GTPBP1: variants seen among roughly 807,000 people sequenced by gnomAD.
GTPBP1 encodes GTP binding protein 1, also known as GTP-binding protein 1.
GTPBP1 carries 23 observed loss-of-function variants against 62.0 expected under a neutral mutation model. The observed-to-expected ratio is 0.37, with a 90% CI of 0.27 to 0.53. The LOEUF (loss-of-function observed/expected upper bound fraction) is 0.53, where lower values mean the gene tolerates loss of function less well. Among genes scored for constraint, GTPBP1 ranks in the 20% least tolerant of loss-of-function variants. The pLI, the probability that GTPBP1 is intolerant of heterozygous loss-of-function variation, is 0.89. For missense variants in GTPBP1, 640 were observed against 917.3 expected (o/e 0.70, Z 3.90); for synonymous variants, 344 against 364.4 (o/e 0.94, Z 0.64).
intron 2 of GTPBP1, 101 bp from the exon 3 acceptor site, chr22:38,715,806 G>A (rs117305559): frequency 3.4e-6 from 3 of 892,392 alleles, no homozygotes; most frequent in Admixed American, 2.3e-5. Flanking sequence ...GCTGGGGTCG[G>A]GGGGTGGTGG....
Position 38,716,241 on chromosome 22 carries a change from C to A in GTPBP1, c.485+154C>A. The A allele has an allele frequency of 1.5e-6, 1 of 649,616 alleles. No individual in the cohort carries two copies. The highest frequency in any genetic ancestry group is 2.7e-6 in the Non-Finnish European group (1 of 371,238). The allele number at this position is 649,616 out of a possible 1,614,324, so 40.2% of individuals were successfully genotyped here. ...GAGACGTGGGCTCCTTGCTCTAATT[C>A]TGCACTTCCCTGTCACTTTGGGAAG... is the stretch of plus-strand genomic sequence containing the variant. On this transcript the variant is annotated intron_variant, in intron 3 of 11. Transcript: ENST00000216044. This position sits in a 1 kb window ranked among gnomAD's most constrained non-coding sequence, Gnocchi z 5.2.
At chr22:38,723,665 G>A (rs1419666085) in intron 5 of GTPBP1, among the ~76,000 whole-genome samples, 1 of 152,202 alleles carries the variant, frequency 6.6e-6, no homozygotes, top group African/African-American at 2.4e-5. Flanking sequence ...TCCAAATGCA[G>A]AAATCTTGAG....
At position 38,727,279 on chromosome 22, in the gene GTPBP1, TG is replaced by T; in HGVS notation, c.1471del (p.Glu491SerfsTer35). 1 of 1,603,128 alleles carries T rather than the reference TG, an allele frequency of 6.2e-7. No homozygotes were observed. Among genetic ancestry groups the T allele is most frequent in the Non-Finnish European group, 8.5e-7 (1 of 1,174,650 alleles). ...CCCACGTTTGAATCCCCAAGCCTCCTGGGAGTTTGAGGCCGAGATTCTCGTC... is the reference window on the plus strand; with the variant it reads ...CCCACGTTTGAATCCCCAAGCCTCCTGGAGTTTGAGGCCGAGATTCTCGTC... ...VSPRLNPQASWEFEAEILVLH... is the reference protein window; with the variant it reads ...VSPRLNPQASXEFEAEILVLH... On this transcript the variant is annotated frameshift_variant, in exon 9 of 12. Transcript: ENST00000216044. LOFTEE classifies it high-confidence loss of function. The surrounding 1 kb of genome is among the most constrained non-coding windows in gnomAD (Gnocchi z 6.5).
chr22:38,719,929 C>CT (rs374928496), intron 4 of GTPBP1, among the ~76,000 whole-genome samples: 12,557 of 135,746 alleles, frequency 0.093, 931 homozygotes, highest in African/African-American at 0.18. Flanking sequence ...TTCTTTCTTT[C>CT]TTTTTTTTTT....
At chr22:38,729,078 C>G (rs1469775943) in intron 10 of GTPBP1, 2 of 164,696 alleles carry the variant, frequency 1.2e-5, no homozygotes, top group African/African-American at 4.8e-5. Context: ...TCAGGAGATC[C>G]CGGAGCTCCA....
intron 1 of GTPBP1, 92 bp downstream of exon 1, chr22:38,706,239 C>A: frequency 1.2e-6 from 1 of 824,440 alleles, no homozygotes; most frequent in South Asian, 6.0e-5. Context: ...GCCGCCCTGT[C>A]CGCGGGGAGC....
Position 38,730,536 on chromosome 22 carries a change from C to A in GTPBP1, c.1918-76C>A, listed in dbSNP as rs550862561. ...CACGCATCTTCCGTCCCTGTCTCCC[C>A]GCTGCTCAGCACCTCTGCTCTCTGG... On this transcript the variant is annotated intron_variant, in intron 11 of 11. Coordinates refer to ENST00000216044, the MANE Select transcript of GTPBP1 (RefSeq NM_004286.5). This position sits in a 1 kb window ranked among gnomAD's most constrained non-coding sequence, Gnocchi z 5.6. 3 of 1,007,076 alleles carry A rather than the reference C, an allele frequency of 3.0e-6. No homozygotes were observed. Among genetic ancestry groups the A allele is most frequent in the Non-Finnish European group, 1.6e-6 (1 of 644,454 alleles). The allele number at this position is 1,007,076 out of a possible 1,614,324, so 62.4% of individuals were successfully genotyped here. A position where few individuals can be genotyped will look rare whatever the true frequency, so the allele number is the denominator to read the frequency against.
rs1569287377 is a variant in GTPBP1, at chr22:38,731,015, TGTGTG to T, written c.*312_*316del. ...TATGTCTCTGTCTCTCTCTATTGTG[TGTGTG>T]TGTGTGTGTGTGTGTGTGTGTGTGT... On this transcript the variant is annotated 3_prime_UTR_variant, in exon 12 of 12. Coordinates refer to ENST00000216044, the MANE Select transcript of GTPBP1 (RefSeq NM_004286.5). The T allele has an allele frequency of 1.3e-3, 247 of 197,598 alleles. No individual in the cohort carries two copies. The highest frequency in any genetic ancestry group is 8.8e-3 in the African/African-American group (237 of 26,960). The allele number at this position is 197,598 out of a possible 1,614,324, so 12.2% of individuals were successfully genotyped here.
At chr22:38,737,314 G>A (rs73157182), downstream of GTPBP1, among the ~76,000 whole-genome samples, 2,373 of 151,666 alleles carry the variant, frequency 0.016, 29 homozygotes, top group Non-Finnish European at 0.027. The surrounding 1 kb of genome is among the most constrained non-coding windows in gnomAD (Gnocchi z 4.1). Context: ...AGCCCCCATC[G>A]CAGTGGCTTC....
Position 38,728,001 on chromosome 22 carries a change from G to C in GTPBP1, c.1556G>C (p.Arg519Thr). The change falls in exon 10 of 12, where the codon AGG becomes ACG. Residue 519 changes from arginine to threonine, a missense_variant. Physicochemically the swap from Arg to Thr is moderately conservative, Grantham distance 71 (BLOSUM62 -1). Transcript: ENST00000216044. ...YQAMVHCGSIRQTATILSMDK... is the reference protein window; with the variant it reads ...YQAMVHCGSITQTATILSMDK... ...TTGACAGTGCACTGTGGGAGCATCA[G>C]GCAGACAGCCACCATTCTGAGCATG... is the stretch of plus-strand genomic sequence containing the variant. 6.2e-7 allele frequency: 1 copy of C among 1,613,964 alleles called. No individual in the cohort carries two copies. Among genetic ancestry groups the C allele is most frequent in the South Asian group, 1.1e-5 (1 of 91,064 alleles).
Position 38,727,368 on chromosome 22 carries a change from C to T in GTPBP1, c.1537+20C>T. The T allele has an allele frequency of 6.5e-7, 1 of 1,527,668 alleles. No individual in the cohort carries two copies. Among genetic ancestry groups the T allele is most frequent in the South Asian group, 1.2e-5 (1 of 80,784 alleles). The allele number at this position is 1,527,668 out of a possible 1,614,324, so 94.6% of individuals were successfully genotyped here. ...CCATGGGTAGGTGTCTAAGGCCCTGCCAGCCCAGGAGGCCGTCGTGTTAGC... is the reference window on the plus strand; with the variant it reads ...CCATGGGTAGGTGTCTAAGGCCCTGTCAGCCCAGGAGGCCGTCGTGTTAGC... On this transcript the variant is annotated intron_variant, in intron 9 of 11. Coordinates refer to ENST00000216044, the MANE Select transcript of GTPBP1 (RefSeq NM_004286.5). This position sits in a 1 kb window ranked among gnomAD's most constrained non-coding sequence, Gnocchi z 6.5.
At chr22:38,729,390 G>A in intron 10 of GTPBP1, 72 bp from the exon 11 acceptor site, 1 of 1,139,790 alleles carries the variant, frequency 8.8e-7, no homozygotes, top group East Asian at 2.7e-5. Flanking sequence ...AGGGGGCTGA[G>A]GGTGGGGGGT....
intron 5 of GTPBP1, chr22:38,722,638 T>C (rs1320226063): frequency 7.0e-7 from 1 of 1,422,142 alleles, no homozygotes; most frequent in East Asian, 2.4e-5. Flanking sequence ...ACAAGCATAA[T>C]TGGTTCCTTG....
At chr22:38,739,081 G>A, downstream of GTPBP1, 1 of 1,268,884 alleles carries the variant, frequency 7.9e-7, no homozygotes, top group Non-Finnish European at 1.1e-6. This position sits in a 1 kb window ranked among gnomAD's most constrained non-coding sequence, Gnocchi z 6.7. Context: ...GTGGACGGCA[G>A]ATGCCCCAGG....
chr22:38,724,037 C>T (rs577377237), intron 5 of GTPBP1, among the ~76,000 whole-genome samples: 3 of 152,022 alleles, frequency 2.0e-5, no homozygotes, highest in East Asian at 1.9e-4. Flanking sequence ...GGAGGCAGGT[C>T]GTCTAGACAC....
intron 5 of GTPBP1, chr22:38,722,958 C>A (rs562708888): frequency 1.1e-6 from 1 of 905,632 alleles, no homozygotes; most frequent in East Asian, 2.4e-5. Context: ...TATGAAGAGA[C>A]CTCTTAGTGC....
intron 4 of GTPBP1, among the ~76,000 whole-genome samples, chr22:38,720,972 C>T (rs1297165363): frequency 6.6e-6 from 1 of 152,238 alleles, no homozygotes; most frequent in Non-Finnish European, 1.5e-5. Flanking sequence ...GTAGCTCGAT[C>T]ATGGCTCACT....
chr22:38,730,664 A>T lies in GTPBP1; in HGVS notation c.1970A>T (p.Lys657Met). 6.2e-7 allele frequency: 1 copy of T among 1,605,278 alleles called. No homozygotes were observed. The highest frequency in any genetic ancestry group is 1.3e-5 in the African/African-American group (1 of 75,006). The change falls in exon 12 of 12, where the codon AAG becomes ATG. Residue 657 changes from lysine (K) to methionine (M), a missense_variant. Lys to Met is a moderately conservative substitution (Grantham distance 95). Coordinates refer to ENST00000216044, the MANE Select transcript of GTPBP1 (RefSeq NM_004286.5). This position sits in a 1 kb window ranked among gnomAD's most constrained non-coding sequence, Gnocchi z 5.6. Reference protein sequence around the residue: ...RRRGGQRHKVKSQGACVTPAS... With the variant: ...RRRGGQRHKVMSQGACVTPAS... ...CGAGGGGGCCAGCGCCACAAGGTGA[A>T]GTCCCAGGGGGCCTGTGTGACTCCT...
downstream of GTPBP1, chr22:38,738,864 G>C: frequency 6.2e-7 from 1 of 1,600,162 alleles, no homozygotes; most frequent in East Asian, 2.2e-5. This position sits in a 1 kb window ranked among gnomAD's most constrained non-coding sequence, Gnocchi z 6.6. Context: ...GTGCTTGCCA[G>C]GTGCCCACCT....
Sources: gnomAD v4.1 joint callset for allele counts (sites outside exome capture counted in the v4.1 genomes callset) on GRCh38, gnomAD v4.1.1 for gene constraint, Gnocchi (gnomAD v3.1) non-coding constraint, MANE v1.5 for transcripts, NCBI Gene and HGNC (gene_info 2026-07-23, HGNC 2026-07-21) for gene names.